The following MCTP2 variants were observed in gnomAD, a reference collection of about 807,000 sequenced individuals.
The protein encoded by MCTP2 is multiple C2 and transmembrane domain containing 2, also known as multiple C2 and transmembrane domain-containing protein 2.
A neutral mutation model predicts 111.6 loss-of-function variants in MCTP2; 132 were observed. The ratio of observed to expected loss-of-function variants is 1.18; its 90% CI spans 1.03 to 1.37. MCTP2 has a LOEUF of 1.37. Ranked by LOEUF, MCTP2 falls within the 40% of genes most tolerant of loss-of-function variation. The pLI, the probability that MCTP2 is intolerant of heterozygous loss-of-function variation, is 0.00. For synonymous variants in MCTP2, 395 were observed against 387.7 expected, an observed-to-expected ratio of 1.02 and a Z score of -0.22; for missense variants, 1,183 against 1,067.9, an observed-to-expected ratio of 1.11 and a Z score of -1.50.
chr15:94,340,998 G>C (rs765502048), intron 7 of MCTP2, 74 bp downstream of exon 7: 54 of 916,194 alleles, frequency 5.9e-5, no homozygotes, highest in Non-Finnish European at 9.7e-5. Context: ...ATTGTCCCTT[G>C]ATAGCTAGCA....
chr15:94,367,816 C>T (rs968073167), intron 11 of MCTP2, 25 bp downstream of exon 11: 35 of 1,551,954 alleles, frequency 2.3e-5, no homozygotes, highest in Non-Finnish European at 3.0e-5. Context: ...TTATTGTACA[C>T]TCCCCCTCCT....
intron 9 of MCTP2, among the ~76,000 whole-genome samples, chr15:94,357,460 A>G (rs1030438412): frequency 3.9e-5 from 6 of 152,184 alleles, no homozygotes; most frequent in African/African-American, 1.2e-4. Flanking sequence ...ATTTGGACTA[A>G]GGTGAAGTGT....
chr15:94,276,025 T>C (rs1285372093), intron 1 of MCTP2, among the ~76,000 whole-genome samples: 4 of 152,038 alleles, frequency 2.6e-5, no homozygotes, highest in African/African-American at 7.2e-5. Context: ...TTTGTATTTT[T>C]AGTAGAGATG....
At position 94,370,167 on chromosome 15, in the gene MCTP2, G is replaced by A. The variant is rs752011489; in HGVS notation, c.1569G>A (p.Ala523=). ...TTTTAAAGGCAGCAGATCTCTTAGCGGCAGATTTCTCAGGTACAGGACATT... is the reference window on the plus strand; with the variant it reads ...TTTTAAAGGCAGCAGATCTCTTAGCAGCAGATTTCTCAGGTACAGGACATT... ...VKVLKAADLL[A]ADFSGKSDPF... The change falls in exon 12 of 23, where the codon GCG becomes GCA. Residue 523 remains alanine (A), a synonymous_variant. Transcript: ENST00000357742. 2.2e-5 allele frequency: 35 copies of A among 1,610,774 alleles called. No homozygotes were observed. Among genetic ancestry groups the A allele is most frequent in the Middle Eastern group, 3.3e-4 (2 of 6,072 alleles).
At chr15:94,328,830 G>T (rs561566576) in intron 4 of MCTP2, among the ~76,000 whole-genome samples, 1 of 152,238 alleles carries the variant, frequency 6.6e-6, no homozygotes, top group Admixed American at 6.5e-5. Context: ...CCTGGGAAGA[G>T]TTGAAGGTTG....
At chr15:94,348,813 G>A (rs1425389199) in intron 8 of MCTP2, among the ~76,000 whole-genome samples, 1 of 151,694 alleles carries the variant, frequency 6.6e-6, no homozygotes, top group Non-Finnish European at 1.5e-5. Flanking sequence ...TTTGTTTGTT[G>A]TACTGTTTTT....
chr15:94,324,644 T>A (rs570121716), intron 4 of MCTP2, among the ~76,000 whole-genome samples: 23 of 152,276 alleles, frequency 1.5e-4, no homozygotes, highest in African/African-American at 5.5e-4. Context: ...CAGCTTTATA[T>A]GCAGATAATG....
chr15:94,291,569 C>A (rs2075032473), intron 1 of MCTP2, among the ~76,000 whole-genome samples: 1 of 151,534 alleles, frequency 6.6e-6, no homozygotes, highest in African/African-American at 2.4e-5. Flanking sequence ...CCACTGCACT[C>A]CAGCCTGGGC....
chr15:94,472,009 C>T (rs2073969382), intron 21 of MCTP2, among the ~76,000 whole-genome samples: 1 of 152,196 alleles, frequency 6.6e-6, no homozygotes, highest in Non-Finnish European at 1.5e-5. Flanking sequence ...AGCTGTTAAA[C>T]ATTGCTTCTT....
chr15:94,363,799 C>T (rs190066830), intron 10 of MCTP2, among the ~76,000 whole-genome samples: 1 of 152,178 alleles, frequency 6.6e-6, no homozygotes, highest in East Asian at 1.9e-4. Context: ...CGGTGTGTTG[C>T]ACCTTCTGAA....
At chr15:94,236,894 C>T (rs544883621) in intron 1 of MCTP2, among the ~76,000 whole-genome samples, 57 of 152,100 alleles carry the variant, frequency 3.7e-4, no homozygotes, top group Non-Finnish European at 2.6e-4. Context: ...AGTGGAGGTG[C>T]GGCAGGATTT....
intron 4 of MCTP2, among the ~76,000 whole-genome samples, chr15:94,329,581 C>T (rs1023464659): frequency 3.3e-5 from 5 of 152,094 alleles, no homozygotes; most frequent in African/African-American, 1.2e-4. Flanking sequence ...CTTGAGAATT[C>T]GCTCACTGTC....
chr15:94,384,087 A>C lies in MCTP2; in HGVS notation c.1648A>C (p.Lys550Gln), dbSNP rs374354293. ...CCGACTTCAGACGCATACCGTCTACAAAAACCTCAACCCTGAATGGAACAA... is the reference window on the plus strand; with the variant it reads ...CCGACTTCAGACGCATACCGTCTACCAAAACCTCAACCCTGAATGGAACAA... ...NDRLQTHTVYKNLNPEWNKVF... is the reference protein window; with the variant it reads ...NDRLQTHTVYQNLNPEWNKVF... The change falls in exon 13 of 23, where the codon AAA (lysine) becomes CAA (glutamine). Residue 550 changes from lysine (K) to glutamine (Q), a missense_variant. Lys to Gln is a moderately conservative substitution (Grantham distance 53). Coordinates refer to ENST00000357742, the MANE Select transcript of MCTP2 (RefSeq NM_001385001.1). The C allele has an allele frequency of 1.2e-6, 2 of 1,613,762 alleles. No homozygotes were observed. The highest frequency in any genetic ancestry group is 2.7e-5 in the African/African-American group (2 of 74,926).
At chr15:94,455,473 C>A (rs2084765073) in intron 19 of MCTP2, among the ~76,000 whole-genome samples, 1 of 151,822 alleles carries the variant, frequency 6.6e-6, no homozygotes, top group African/African-American at 2.4e-5. Context: ...GAGTCTCGCT[C>A]TGTCGCCAGG....
At chr15:94,320,913 C>T (rs2076603400) in intron 4 of MCTP2, among the ~76,000 whole-genome samples, 1 of 152,160 alleles carries the variant, frequency 6.6e-6, no homozygotes, top group Non-Finnish European at 1.5e-5. Flanking sequence ...TGGTCTACTA[C>T]TTGGCTTTGT....
intron 1 of MCTP2, among the ~76,000 whole-genome samples, chr15:94,294,785 C>CT (rs2075181982): frequency 6.6e-6 from 1 of 152,116 alleles, no homozygotes; most frequent in Non-Finnish European, 1.5e-5. Context: ...CCTAGGATTC[C>CT]TAAGCTTTGA....
At chr15:94,351,899 A>G (rs1978749) in intron 8 of MCTP2, among the ~76,000 whole-genome samples, 21,574 of 151,844 alleles carry the variant, frequency 0.14, 1,872 homozygotes, top group African/African-American at 0.25. Context: ...TTTCCTCCTG[A>G]CCTCTCTGCC....
At chr15:94,283,496 T>G (rs2074600255) in intron 1 of MCTP2, among the ~76,000 whole-genome samples, 1 of 152,114 alleles carries the variant, frequency 6.6e-6, no homozygotes, top group South Asian at 2.1e-4. Context: ...GGGGGGGTTG[T>G]GGGATATCCT....
At chr15:94,385,367 T>C in intron 13 of MCTP2, 56 bp from the exon 14 acceptor site, 6 of 1,179,244 alleles carry the variant, frequency 5.1e-6, no homozygotes, top group Non-Finnish European at 6.3e-6. Flanking sequence ...CAGATCTTCA[T>C]GGAACAGACT....
Sources: allele counts gnomAD v4.1 joint callset (sites outside exome capture counted in the v4.1 genomes callset), GRCh38; gene constraint gnomAD v4.1.1; transcripts MANE v1.5; gene names NCBI Gene and HGNC (gene_info 2026-07-23, HGNC 2026-07-21).